The following AFAP1L2 variants were observed in gnomAD, a reference collection of about 807,000 sequenced individuals.
AFAP1L2 encodes the protein actin filament-associated protein 1-like 2.
Under a neutral mutation model 99.3 loss-of-function variants are expected in AFAP1L2, and 46 were observed. The observed-to-expected ratio is 0.46, with a 90% CI of 0.37 to 0.59. The LOEUF (loss-of-function observed/expected upper bound fraction) is 0.59. Ranked by LOEUF, AFAP1L2 falls within the 20% of genes least tolerant of loss-of-function variation. AFAP1L2 has a pLI of 0.00. For missense variants in AFAP1L2, 959 were observed against 1,034.9 expected (o/e 0.93, Z 1.01); for synonymous variants, 397 against 419.1 (o/e 0.95, Z 0.64).
intron 1 of AFAP1L2, among the ~76,000 whole-genome samples, chr10:114,391,794 C>T (rs992159815): frequency 2.6e-5 from 4 of 152,116 alleles, no homozygotes; most frequent in Admixed American, 1.3e-4. Flanking sequence ...TTGACCAGCA[C>T]GTGGAAAAGC....
At chr10:114,370,593 T>G (rs2136975450) in intron 1 of AFAP1L2, among the ~76,000 whole-genome samples, 1 of 152,338 alleles carries the variant, frequency 6.6e-6, no homozygotes, top group East Asian at 1.9e-4. Context: ...TGCACTTACC[T>G]TAAGCCAGAT....
intron 4 of AFAP1L2, among the ~76,000 whole-genome samples, chr10:114,328,800 G>A (rs2135499129): frequency 6.6e-6 from 1 of 152,270 alleles, no homozygotes; most frequent in East Asian, 1.9e-4. Flanking sequence ...GGAGGCCTGA[G>A]GGAGTGAGGA....
intron 5 of AFAP1L2, 55 bp downstream of exon 5, chr10:114,323,116 C>T (rs1286761719): frequency 6.8e-7 from 1 of 1,471,284 alleles, no homozygotes; most frequent in Non-Finnish European, 9.3e-7. Context: ...TCTGCACCAA[C>T]ATCTGTGCAG....
intron 1 of AFAP1L2, among the ~76,000 whole-genome samples, chr10:114,380,343 T>C (rs1032137448): frequency 2.6e-5 from 4 of 152,218 alleles, no homozygotes; most frequent in African/African-American, 7.2e-5. Flanking sequence ...TGTCTCCAGA[T>C]TTGTCTCAAA....
Position 114,380,639 on chromosome 10 carries a change from A to T in AFAP1L2, c.16+23801T>A, listed in dbSNP as rs936907225. On this transcript the variant is annotated intron_variant, in intron 1 of 18. Transcript: ENST00000304129. ...ATCATAAAGCCACAATAATTAAAGC[A>T]GTACATCCACAGCACATGAATGGAC... Among the ~76,000 whole-genome samples, 10 of 152,378 alleles carry T rather than the reference A, an allele frequency of 6.6e-5. No homozygotes were observed. In the South Asian group the frequency reaches 2.1e-3, roughly 32 times the overall value.
chr10:114,314,903 G>A (rs537624204), intron 6 of AFAP1L2, among the ~76,000 whole-genome samples: 1 of 152,320 alleles, frequency 6.6e-6, no homozygotes, highest in African/African-American at 2.4e-5. Context: ...AGCACTTTGG[G>A]AGGCTGAGGC....
At chr10:114,350,496 T>C (rs1470937018) in intron 1 of AFAP1L2, among the ~76,000 whole-genome samples, 3 of 152,226 alleles carry the variant, frequency 2.0e-5, no homozygotes, top group Admixed American at 6.5e-5. Context: ...ATAAGGCTTC[T>C]AAACAGATAG....
At chr10:114,304,584 C>T (rs2041805258) in intron 11 of AFAP1L2, 135 bp downstream of exon 11, 6 of 963,540 alleles carry the variant, frequency 6.2e-6, no homozygotes, top group Non-Finnish European at 7.4e-6. Flanking sequence ...CAAACAATCT[C>T]AGGCAAACGA....
At chr10:114,379,102 A>G (rs2055221175) in intron 1 of AFAP1L2, among the ~76,000 whole-genome samples, 1 of 151,894 alleles carries the variant, frequency 6.6e-6, no homozygotes, top group Non-Finnish European at 1.5e-5. Flanking sequence ...AATCCCAGCT[A>G]CTCAGGAGGC....
chr10:114,393,944 G>A lies in AFAP1L2; in HGVS notation c.16+10496C>T, dbSNP rs183863543. On this transcript the variant is annotated intron_variant, in intron 1 of 18. Transcript: ENST00000304129. Reference sequence around the variant, plus strand: ...CACATTCTCATGCTCCCCCTGGGAGGACACCAGTCCCTCCTCTGATACTCA... The same window carrying A: ...CACATTCTCATGCTCCCCCTGGGAGAACACCAGTCCCTCCTCTGATACTCA... Among the ~76,000 whole-genome samples, 364 of 152,340 alleles carry A rather than the reference G, an allele frequency of 2.4e-3. 3 individuals are homozygous for A. Among genetic ancestry groups the A allele is most frequent in the African/African-American group, 8.1e-3 (338 of 41,562 alleles).
chr10:114,363,282 G>T, intron 1 of AFAP1L2: 2 of 642,358 alleles, frequency 3.1e-6, no homozygotes, highest in Non-Finnish European at 3.9e-6. Flanking sequence ...GTAACATGTA[G>T]CCTGCAGAAT....
At chr10:114,302,738 A>T (rs2041435982) in intron 11 of AFAP1L2, among the ~76,000 whole-genome samples, 1 of 152,228 alleles carries the variant, frequency 6.6e-6, no homozygotes, top group South Asian at 2.1e-4. Flanking sequence ...GGGCCATATG[A>T]GATGTATATA....
the AFAP1L2 span, chr10:114,284,844 A>G: frequency 1.3e-6 from 2 of 1,595,888 alleles, no homozygotes; most frequent in Non-Finnish European, 1.7e-6. Flanking sequence ...TTAGCGGTTA[A>G]TGGGCATCTC....
intron 8 of AFAP1L2, among the ~76,000 whole-genome samples, chr10:114,308,988 C>T (rs190122204): frequency 1.3e-4 from 20 of 152,212 alleles, no homozygotes; most frequent in African/African-American, 4.3e-4. Flanking sequence ...CTGCATGTGT[C>T]ACATAGGGAT....
In AFAP1L2 at chr10:114,304,178, G is replaced by C. The variant is rs190282080; in HGVS notation, c.1284+541C>G. On this transcript the variant is annotated intron_variant, in intron 11 of 18. Coordinates refer to ENST00000304129, the MANE Select transcript of AFAP1L2 (RefSeq NM_001001936.3). ...CCTCCACATCAAAGACTAAGTGAAC[G>C]GACATTCACGGGCAAGTGTGTGCTT... is the stretch of plus-strand genomic sequence containing the variant. Among the ~76,000 whole-genome samples the C allele has an allele frequency of 2.9e-3, 447 of 152,326 alleles. 7 individuals are homozygous for C. Among genetic ancestry groups the C allele is most frequent in the South Asian group, 0.023 (109 of 4,820 alleles).
intron 13 of AFAP1L2, among the ~76,000 whole-genome samples, chr10:114,301,039 C>T (rs2041076247): frequency 6.6e-6 from 1 of 152,182 alleles, no homozygotes; most frequent in Non-Finnish European, 1.5e-5. Flanking sequence ...GTGATCATCC[C>T]ACTCAACAAC....
Position 114,318,311 on chromosome 10 carries a change from T to C in AFAP1L2, c.407-2546A>G, listed in dbSNP as rs1349317085. ...GTGAAGAATTTGGGTAAGTCTCCAC[T>C]GTTCTGTGCTTCTGGGGTTGCCCCA... is the stretch of plus-strand genomic sequence containing the variant. On this transcript the variant is annotated intron_variant, in intron 5 of 18. Transcript: ENST00000304129. Among the ~76,000 whole-genome samples the C allele has an allele frequency of 4.6e-4, 70 of 152,250 alleles. 1 individual carries two copies. Among genetic ancestry groups the C allele is most frequent in the Non-Finnish European group, 2.9e-5 (2 of 68,038 alleles).
chr10:114,321,223 G>A (rs2045241261), intron 5 of AFAP1L2, among the ~76,000 whole-genome samples: 1 of 152,152 alleles, frequency 6.6e-6, no homozygotes, highest in South Asian at 2.1e-4. Flanking sequence ...GGTGTACACT[G>A]TACCGAATAT....
chr10:114,282,691 G>A, the AFAP1L2 span: 1 of 812,160 alleles, frequency 1.2e-6, no homozygotes, highest in South Asian at 1.4e-5. Context: ...CAGGGCAGAG[G>A]GATGGGGCAC....
Sources: allele counts gnomAD v4.1 joint callset (sites outside exome capture counted in the v4.1 genomes callset), GRCh38; gene constraint gnomAD v4.1.1; transcripts MANE v1.5; gene names NCBI Gene and HGNC (gene_info 2026-07-23, HGNC 2026-07-21).